CDH20: variants seen among roughly 807,000 people sequenced by gnomAD.
The protein encoded by CDH20 is cadherin-20.
In CDH20, 29 loss-of-function variants were observed where a neutral mutation model predicts 74.2. That is an observed-to-expected ratio of 0.39 (90% CI 0.29 to 0.53). The LOEUF (loss-of-function observed/expected upper bound fraction) is 0.53. Ranked by LOEUF, CDH20 falls within the 20% of genes least tolerant of loss-of-function variation. The pLI is 0.69. For synonymous variants in CDH20, 469 were observed against 405.4 expected (o/e 1.16, Z -1.88); for missense variants, 988 against 1,048.3 (o/e 0.94, Z 0.79).
intron 1 of CDH20, among the ~76,000 whole-genome samples, chr18:61,485,186 T>G (rs747327141): frequency 1.2e-4 from 18 of 152,238 alleles, no homozygotes; most frequent in Non-Finnish European, 2.2e-4. Context: ...TCTGTTCAAT[T>G]TCTTAAAAAG....
intron 1 of CDH20, among the ~76,000 whole-genome samples, chr18:61,354,031 G>A (rs1308658145): frequency 7.7e-6 from 1 of 129,988 alleles, no homozygotes; most frequent in Non-Finnish European, 1.6e-5. Flanking sequence ...GTGACAGACA[G>A]AGACCCTGTC....
At chr18:61,513,345 T>C (rs559450242) in intron 6 of CDH20, among the ~76,000 whole-genome samples, 9 of 95,874 alleles carry the variant, frequency 9.4e-5, no homozygotes, top group African/African-American at 3.6e-4. Context: ...TGTTTTCCAT[T>C]TGCTTGGTAG....
Position 61,554,808 on chromosome 18 carries a change from G to T in CDH20, c.*113G>T. ...ACTGTGCTGGAGAGTGAGAATGGGG[G>T]TGAGCAGGCGAACAGAGCTCTCTCT... On this transcript the variant is annotated 3_prime_UTR_variant, in exon 12 of 12. Coordinates refer to ENST00000262717, the MANE Select transcript of CDH20 (RefSeq NM_031891.4). 7.0e-7 allele frequency: 1 copy of T among 1,434,402 alleles called. No homozygotes were observed. Among genetic ancestry groups the T allele is most frequent in the Non-Finnish European group, 9.1e-7 (1 of 1,096,552 alleles). 88.9% of individuals were successfully genotyped at this position (1,434,402 alleles called of 1,614,324 possible). A position where few individuals can be genotyped will look rare whatever the true frequency, so the allele number is the denominator to read the frequency against.
At chr18:61,491,277 G>A (rs1910952264) in intron 2 of CDH20, among the ~76,000 whole-genome samples, 1 of 152,088 alleles carries the variant, frequency 6.6e-6, no homozygotes, top group Admixed American at 6.5e-5. Context: ...TGTGCTTTAG[G>A]ATAGTTGGAG....
At chr18:61,500,624 G>A in intron 4 of CDH20, 122 bp downstream of exon 4, 1 of 1,033,918 alleles carries the variant, frequency 9.7e-7, no homozygotes, top group Non-Finnish European at 1.4e-6. Flanking sequence ...AGAGAAGACT[G>A]CTCTTAGCTT....
chr18:61,507,594 G>A (rs1911619474), intron 6 of CDH20, 34 bp downstream of exon 6: 2 of 1,491,502 alleles, frequency 1.3e-6, no homozygotes. Flanking sequence ...CCACTTTCAT[G>A]GGTGCTTTGA....
chr18:61,554,547 A>T lies in CDH20; in HGVS notation c.2258A>T (p.Asp753Val), dbSNP rs779992405. ...DSLQTYMFEG[D>V]GSVAGSLSSL... is the part of the protein sequence containing the mutation. ...CTCCAGACGTATATGTTCGAGGGGG[A>T]CGGCTCTGTGGCGGGGTCGCTGAGC... The change falls in exon 12 of 12, where the codon GAC becomes GTC. Residue 753 changes from aspartate (D) to valine (V), a missense_variant. This residue lies in a region of CDH20 where 375 missense variants were observed against 293.1 expected (regional missense o/e 1.28). Coordinates refer to ENST00000262717, the MANE Select transcript of CDH20 (RefSeq NM_031891.4). 5 of 1,612,696 alleles carry T rather than the reference A, an allele frequency of 3.1e-6. No homozygotes were observed. Among genetic ancestry groups the T allele is most frequent in the Non-Finnish European group, 3.4e-6 (4 of 1,179,810 alleles).
chr18:61,506,607 T>C (rs1161959581), intron 5 of CDH20, among the ~76,000 whole-genome samples: 2 of 152,176 alleles, frequency 1.3e-5, no homozygotes, highest in Non-Finnish European at 2.9e-5. Context: ...AAAAAGTAAG[T>C]TGGTAAAAAT....
chr18:61,495,355 C>T (rs952583066), intron 2 of CDH20, among the ~76,000 whole-genome samples: 5 of 152,172 alleles, frequency 3.3e-5, no homozygotes, highest in Admixed American at 2.0e-4. Flanking sequence ...CATTGCTGCA[C>T]GGGTTATTAA....
intron 1 of CDH20, among the ~76,000 whole-genome samples, chr18:61,485,613 A>G (rs1302773174): frequency 6.6e-6 from 1 of 152,218 alleles, no homozygotes; most frequent in Non-Finnish European, 1.5e-5. Flanking sequence ...TTACTTATAG[A>G]AAGAGCCTCA....
In CDH20 at chr18:61,545,159, G is replaced by C. The variant is rs200039471; in HGVS notation, c.1648+15G>C. On this transcript the variant is annotated intron_variant, in intron 10 of 11. Coordinates refer to ENST00000262717, the MANE Select transcript of CDH20 (RefSeq NM_031891.4). ...GGACAACCAAGGTAATCAGGTGGATGGTTGGCTATCTGTGCTTTTCTACAG... is the reference window on the plus strand; with the variant it reads ...GGACAACCAAGGTAATCAGGTGGATCGTTGGCTATCTGTGCTTTTCTACAG... 8.5e-6 allele frequency: 13 copies of C among 1,537,278 alleles called. No individual in the cohort carries two copies. The highest frequency in any genetic ancestry group is 1.4e-5 in the African/African-American group (1 of 73,538).
chr18:61,408,206 A>G (rs1004023588), intron 1 of CDH20, among the ~76,000 whole-genome samples: 2 of 151,882 alleles, frequency 1.3e-5, no homozygotes, highest in Admixed American at 6.6e-5. Context: ...GAGGCTAATG[A>G]AAAAAAATGC....
At chr18:61,538,608 G>GT (rs1449356386) in intron 8 of CDH20, among the ~76,000 whole-genome samples, 7,142 of 35,774 alleles carry the variant, frequency 0.2, 1,693 homozygotes, top group Non-Finnish European at 0.28. Flanking sequence ...TTTTGTTTTT[G>GT]TTTTTGTTTT....
chr18:61,356,907 T>C (rs964673568), intron 1 of CDH20, among the ~76,000 whole-genome samples: 1 of 152,252 alleles, frequency 6.6e-6, no homozygotes, highest in African/African-American at 2.4e-5. Context: ...AGTATCCCTA[T>C]ACTGCTGACA....
intron 1 of CDH20, among the ~76,000 whole-genome samples, chr18:61,450,406 CTT>C (rs1909345431): frequency 7.4e-6 from 1 of 134,970 alleles, no homozygotes; most frequent in African/African-American, 2.7e-5. Flanking sequence ...AAAAAAAAAA[CTT>C]TTTACTTTTT....
At chr18:61,543,705 C>G (rs1431702170) in intron 9 of CDH20, among the ~76,000 whole-genome samples, 1 of 152,190 alleles carries the variant, frequency 6.6e-6, no homozygotes, top group Non-Finnish European at 1.5e-5. Context: ...GCTAGCTCTC[C>G]CTCCTGCCAA....
At chr18:61,429,479 T>C (rs920116138) in intron 1 of CDH20, among the ~76,000 whole-genome samples, 2 of 152,328 alleles carry the variant, frequency 1.3e-5, no homozygotes, top group African/African-American at 4.8e-5. Flanking sequence ...TTATTATGTA[T>C]GTTGTTCAAG....
intron 1 of CDH20, among the ~76,000 whole-genome samples, chr18:61,467,555 C>G (rs962498336): frequency 6.6e-6 from 1 of 152,152 alleles, no homozygotes; most frequent in African/African-American, 2.4e-5. Context: ...TAGAAAAATT[C>G]ACTCCCTCCC....
At chr18:61,526,264 G>T (rs1912409718) in intron 6 of CDH20, among the ~76,000 whole-genome samples, 1 of 151,434 alleles carries the variant, frequency 6.6e-6, no homozygotes, top group African/African-American at 2.4e-5. Context: ...GAGTAGCTGG[G>T]ATTACAGGCA....
Sources: allele counts gnomAD v4.1 joint callset (sites outside exome capture counted in the v4.1 genomes callset), GRCh38; gene constraint gnomAD v4.1.1; regional missense constraint gnomAD v4.1.1; transcripts MANE v1.5; gene names NCBI Gene and HGNC (gene_info 2026-07-23, HGNC 2026-07-21).